ANTXR1: variants seen among roughly 807,000 people sequenced by gnomAD.
The protein encoded by ANTXR1 is anthrax toxin receptor 1.
Under a neutral mutation model 78.1 loss-of-function variants are expected in ANTXR1, and 19 were observed. That is an observed-to-expected ratio of 0.24 (90% confidence interval 0.17 to 0.36). The LOEUF is 0.36. Ranked by LOEUF, ANTXR1 falls within the 10% of genes least tolerant of loss-of-function variation. The pLI is 1.00. For synonymous variants in ANTXR1, 273 were observed against 260.5 expected, an observed-to-expected ratio of 1.05 and a Z score of -0.46; for missense variants, 518 against 718.6, an observed-to-expected ratio of 0.72 and a Z score of 3.19.
At chr2:69,153,696 T>C (rs112608696) in intron 13 of ANTXR1, among the ~76,000 whole-genome samples, 170 of 152,296 alleles carry the variant, frequency 1.1e-3, no homozygotes, top group Non-Finnish European at 2.1e-3. Flanking sequence ...TTTTCAAGTC[T>C]AGAAAAAGAA....
chr2:69,146,042 G>A, intron 12 of ANTXR1: 2 of 985,460 alleles, frequency 2.0e-6, no homozygotes, highest in Non-Finnish European at 2.4e-6. Context: ...CAGGGATTTG[G>A]CCATTCAAGC....
At chr2:69,059,564 C>T (rs1172640155) in intron 3 of ANTXR1, among the ~76,000 whole-genome samples, 5 of 152,066 alleles carry the variant, frequency 3.3e-5, no homozygotes, top group African/African-American at 1.2e-4. Context: ...CTGCAACCTC[C>T]GTCTCCCTGG....
chr2:69,198,760 T>G (rs928849662), intron 17 of ANTXR1, among the ~76,000 whole-genome samples: 1 of 152,240 alleles, frequency 6.6e-6, no homozygotes, highest in Non-Finnish European at 1.5e-5. Context: ...CCCCTCGGTC[T>G]GTTTTTGATG....
At chr2:69,075,762 G>A (rs1558519607) in intron 7 of ANTXR1, 104 bp downstream of exon 7, 2 of 1,049,194 alleles carry the variant, frequency 1.9e-6, no homozygotes, top group African/African-American at 1.6e-5. Context: ...AAATGCCCCT[G>A]AAATAGGTTA....
chr2:69,241,742 C>G (rs933604995), intron 17 of ANTXR1, among the ~76,000 whole-genome samples: 1 of 152,172 alleles, frequency 6.6e-6, no homozygotes, highest in African/African-American at 2.4e-5. Flanking sequence ...AGTTGGAACA[C>G]CTGATACCAC....
intron 14 of ANTXR1, among the ~76,000 whole-genome samples, chr2:69,174,476 T>G (rs559068477): frequency 6.6e-6 from 1 of 152,076 alleles, no homozygotes; most frequent in South Asian, 2.1e-4. Context: ...ATACAAAAAA[T>G]TACCCGGGCA....
intron 17 of ANTXR1, among the ~76,000 whole-genome samples, chr2:69,241,602 C>T (rs929852893): frequency 1.3e-5 from 2 of 152,086 alleles, no homozygotes; most frequent in Non-Finnish European, 2.9e-5. Flanking sequence ...AGAGTGCAGG[C>T]TCTAGGGGCT....
Position 69,245,764 on chromosome 2 carries a change from C to A in ANTXR1, c.*279C>A. The A allele has an allele frequency of 2.3e-6, 1 of 429,364 alleles. No homozygotes were observed. The highest frequency in any genetic ancestry group is 4.6e-5 in the East Asian group (1 of 21,518). The allele number at this position is 429,364 out of a possible 1,614,324, so 26.6% of individuals were successfully genotyped here. A position where few individuals can be genotyped will look rare whatever the true frequency, so the allele number is the denominator to read the frequency against. On this transcript the variant is annotated 3_prime_UTR_variant, in exon 18 of 18. Coordinates refer to ENST00000303714, the MANE Select transcript of ANTXR1 (RefSeq NM_032208.3). ...AGACAGTGAAACTGCAAGATGCTCT[C>A]AACAGGATTATGTCTCATGGAGACC...
rs1200145395 is a variant in ANTXR1 at position 69,248,145 on chromosome 2, T to C, written c.*2660T>C. On this transcript the variant is annotated 3_prime_UTR_variant, in exon 18 of 18. Transcript: ENST00000303714. Reference sequence around the variant, plus strand: ...TTCCCTGTAAAAGGCAGGAGACATGTGATTATGATCAGGAAACTGCACAAA... The same window carrying C: ...TTCCCTGTAAAAGGCAGGAGACATGCGATTATGATCAGGAAACTGCACAAA... 1.8e-5 allele frequency: 3 copies of C among 166,886 alleles called. No homozygotes were observed. Among genetic ancestry groups the C allele is most frequent in the Non-Finnish European group, 4.4e-5 (3 of 68,056 alleles). The allele number at this position is 166,886 out of a possible 1,614,324, so 10.3% of individuals were successfully genotyped here. A position where few individuals can be genotyped will look rare whatever the true frequency, so the allele number is the denominator to read the frequency against.
At chr2:69,043,797 AG>A (rs1449371693) in intron 2 of ANTXR1, among the ~76,000 whole-genome samples, 3 of 152,314 alleles carry the variant, frequency 2.0e-5, no homozygotes, top group Admixed American at 2.0e-4. Flanking sequence ...GCAAGACGCC[AG>A]CTAGGAAATT....
intron 14 of ANTXR1, among the ~76,000 whole-genome samples, chr2:69,171,437 C>T (rs191033748): frequency 2.8e-4 from 43 of 152,348 alleles, no homozygotes; most frequent in Non-Finnish European, 4.7e-4. Flanking sequence ...GCTAGTTCCA[C>T]GACTGCAATT....
intron 2 of ANTXR1, among the ~76,000 whole-genome samples, chr2:69,042,774 C>T (rs1332985650): frequency 6.6e-6 from 1 of 152,186 alleles, no homozygotes; most frequent in Non-Finnish European, 1.5e-5. Flanking sequence ...CAAGGTCTCA[C>T]CCAGGGATGA....
At chr2:69,137,033 C>T (rs537930440) in intron 12 of ANTXR1, among the ~76,000 whole-genome samples, 5 of 152,232 alleles carry the variant, frequency 3.3e-5, no homozygotes, top group African/African-American at 1.2e-4. Flanking sequence ...CCTAGAAAGC[C>T]TTTGTACACA....
At chr2:69,125,271 G>A (rs1346139876) in intron 12 of ANTXR1, among the ~76,000 whole-genome samples, 1 of 152,132 alleles carries the variant, frequency 6.6e-6, no homozygotes, top group Non-Finnish European at 1.5e-5. Flanking sequence ...GCCCTTCTCT[G>A]GAGCCTTCGC....
chr2:69,060,466 C>G (rs1219343871), intron 3 of ANTXR1, among the ~76,000 whole-genome samples: 1 of 152,112 alleles, frequency 6.6e-6, no homozygotes, highest in Non-Finnish European at 1.5e-5. Flanking sequence ...GGTGATCTTA[C>G]TGAGTTCTGG....
intron 9 of ANTXR1, among the ~76,000 whole-genome samples, chr2:69,096,283 AGG>A (rs1558540982): frequency 0.047 from 100 of 2,142 alleles, 17 homozygotes; most frequent in African/African-American, 0.14. Context: ...GAAGGAAGGA[AGG>A]AAGGGAGGAA....
At chr2:69,081,609 C>T (rs951234028) in intron 8 of ANTXR1, among the ~76,000 whole-genome samples, 6 of 152,176 alleles carry the variant, frequency 3.9e-5, no homozygotes, top group African/African-American at 1.4e-4. Context: ...ATTTAAAAAT[C>T]ATAACAATGC....
chr2:69,077,278 C>T (rs1324515442), intron 7 of ANTXR1, 130 bp from the exon 8 acceptor site: 22 of 937,150 alleles, frequency 2.3e-5, no homozygotes, highest in Non-Finnish European at 3.4e-5. Context: ...CCCCTGAGCC[C>T]AGTGAAGGCC....
intron 3 of ANTXR1, among the ~76,000 whole-genome samples, chr2:69,059,654 A>G (rs1670174270): frequency 6.6e-6 from 1 of 152,144 alleles, no homozygotes; most frequent in Non-Finnish European, 1.5e-5. Context: ...AATTTGAAGT[A>G]TGTACTTTTT....
Sources: gnomAD v4.1 joint callset for allele counts (sites outside exome capture counted in the v4.1 genomes callset) on GRCh38, gnomAD v4.1.1 for gene constraint, MANE v1.5 for transcripts, NCBI Gene and HGNC (gene_info 2026-07-23, HGNC 2026-07-21) for gene names.